COL19A1: variants seen among roughly 807,000 people sequenced by gnomAD.
COL19A1 encodes the protein collagen type XIX alpha 1 chain, also known as collagen alpha-1(XIX) chain.
In COL19A1, 159 loss-of-function variants were observed where a neutral mutation model predicts 190.2. The ratio of observed to expected loss-of-function variants is 0.84; its 90% CI spans 0.73 to 0.95. COL19A1 has a LOEUF of 0.95. COL19A1 is among the 40% of genes least tolerant of loss of function. The pLI is 0.00. For synonymous variants in COL19A1, 509 were observed against 458.9 expected, an observed-to-expected ratio of 1.11 and a Z score of -1.39; for missense variants, 1,418 against 1,431.9, an observed-to-expected ratio of 0.99 and a Z score of 0.16.
intron 11 of COL19A1, among the ~76,000 whole-genome samples, chr6:70,002,176 T>G (rs941160071): frequency 6.6e-6 from 1 of 152,234 alleles, no homozygotes; most frequent in Non-Finnish European, 1.5e-5. Context: ...TTTATTGATT[T>G]GCACATGTTG....
At chr6:70,135,080 T>TAA (rs1222575899) in intron 18 of COL19A1, among the ~76,000 whole-genome samples, 1 of 152,174 alleles carries the variant, frequency 6.6e-6, no homozygotes, top group African/African-American at 2.4e-5. Flanking sequence ...GATATTTACT[T>TAA]ACGCTCACCA....
At position 69,940,945 on chromosome 6, in the gene COL19A1, C is replaced by A. The variant is rs562226884; in HGVS notation, c.936+2845C>A. ...TTTAATGTGCAATAAATAAAGAAGG[C>A]TTTCCTTCATTTTTGATTCTGGCAT... On this transcript the variant is annotated intron_variant, in intron 9 of 50. Transcript: ENST00000620364. Among the ~76,000 whole-genome samples, 7 of 152,132 alleles carry A rather than the reference C, an allele frequency of 4.6e-5. No homozygotes were observed. The East Asian group carries it at 1.3e-3, about 29-fold the overall frequency.
intron 16 of COL19A1, among the ~76,000 whole-genome samples, chr6:70,109,956 C>T (rs1461298751): frequency 3.3e-5 from 5 of 152,264 alleles, no homozygotes; most frequent in East Asian, 1.9e-4. Context: ...AAGTGCCTTC[C>T]GGCACTTGTG....
intron 11 of COL19A1, among the ~76,000 whole-genome samples, chr6:69,984,596 A>T (rs776598176): frequency 3.9e-5 from 6 of 152,130 alleles, no homozygotes; most frequent in Non-Finnish European, 7.4e-5. Context: ...TTGTAGCTAA[A>T]TGAAACCTAT....
In COL19A1 at chr6:70,031,919, T is replaced by A. The variant is rs146576086; in HGVS notation, c.1081-2326T>A. Among the ~76,000 whole-genome samples the A allele has an allele frequency of 2.8e-3, 422 of 152,164 alleles. 2 individuals carry two copies. Among genetic ancestry groups the A allele is most frequent in the African/African-American group, 8.0e-3 (334 of 41,530 alleles). On this transcript the variant is annotated intron_variant, in intron 12 of 50. Coordinates refer to ENST00000620364, the MANE Select transcript of COL19A1 (RefSeq NM_001858.6). ...TTGAGGACGGGAACCTTCACCTAGT[T>A]AAAGAAAAAAATCGTTGACACTTGT... is the stretch of plus-strand genomic sequence containing the variant.
chr6:70,189,149 T>A (rs1452958271), intron 47 of COL19A1, among the ~76,000 whole-genome samples: 1 of 152,222 alleles, frequency 6.6e-6, no homozygotes, highest in African/African-American at 2.4e-5. Context: ...TTTTTTATTT[T>A]TATTTTTTGT....
rs375838128 is a variant in COL19A1 at position 69,889,331 on chromosome 6, A to C, written c.92-9617A>C. On this transcript the variant is annotated intron_variant, in intron 2 of 50. Transcript: ENST00000620364. ...GAAGAAATAGGAAAACCAAAGCAGGAAAAATGGACAAGTGATATGTTACAA... is the reference window on the plus strand; with the variant it reads ...GAAGAAATAGGAAAACCAAAGCAGGCAAAATGGACAAGTGATATGTTACAA... Among the ~76,000 whole-genome samples the C allele has an allele frequency of 5.3e-4, 80 of 152,326 alleles. 4 individuals carry two copies. The highest frequency in any genetic ancestry group is 1.8e-3 in the African/African-American group (76 of 41,570).
intron 7 of COL19A1, among the ~76,000 whole-genome samples, chr6:69,933,779 T>A (rs1041359201): frequency 3.3e-5 from 5 of 152,070 alleles, no homozygotes; most frequent in Non-Finnish European, 7.4e-5. Context: ...AGGGAAGTTT[T>A]ACCTTGATAA....
At chr6:70,038,233 T>C (rs74445182) in intron 14 of COL19A1, among the ~76,000 whole-genome samples, 1,854 of 152,346 alleles carry the variant, frequency 0.012, 27 homozygotes, top group African/African-American at 0.043. Flanking sequence ...TTCTCAAAAC[T>C]AGCTCCACGC....
intron 1 of COL19A1, 42 bp from the exon 2 acceptor site, chr6:69,879,494 C>A: frequency 8.9e-7 from 1 of 1,129,196 alleles, no homozygotes; most frequent in Non-Finnish European, 1.3e-6. Flanking sequence ...AAAGGAGCTG[C>A]ATACAATAAA....
chr6:70,070,228 T>C (rs773348373), intron 15 of COL19A1, among the ~76,000 whole-genome samples: 14 of 152,104 alleles, frequency 9.2e-5, no homozygotes, highest in Non-Finnish European at 1.5e-4. Flanking sequence ...TTGTACCCTA[T>C]CAAAGCTTGC....
intron 11 of COL19A1, among the ~76,000 whole-genome samples, chr6:70,005,644 C>A (rs7771757): frequency 6.6e-6 from 1 of 152,036 alleles, no homozygotes; most frequent in South Asian, 2.1e-4. Context: ...TGGGTGGCAT[C>A]GGGAACAGGA....
At chr6:70,099,056 TAAAAAAAAAAAAA>T (rs5877239) in intron 15 of COL19A1, among the ~76,000 whole-genome samples, 3 of 75,888 alleles carry the variant, frequency 4.0e-5, no homozygotes, top group African/African-American at 1.6e-4. Flanking sequence ...ACCCTGTCTC[TAAAAAAAAAAAAA>T]AAAAAAAAAA....
At chr6:69,977,952 A>T (rs1040942743) in intron 11 of COL19A1, among the ~76,000 whole-genome samples, 10 of 152,146 alleles carry the variant, frequency 6.6e-5, no homozygotes, top group East Asian at 1.9e-4. Context: ...GAAAAAAAAA[A>T]TTTTACTGAT....
intron 4 of COL19A1, among the ~76,000 whole-genome samples, chr6:69,921,125 T>C (rs2149999145): frequency 8.4e-6 from 1 of 118,376 alleles, no homozygotes; most frequent in East Asian, 2.3e-4. Flanking sequence ...ATATATCACA[T>C]ATGTATCACA....
At chr6:70,177,771 T>A (rs1244160377) in intron 42 of COL19A1, among the ~76,000 whole-genome samples, 1 of 152,242 alleles carries the variant, frequency 6.6e-6, no homozygotes, top group Non-Finnish European at 1.5e-5. Flanking sequence ...GTTCCTCTTA[T>A]ACTCACATCC....
intron 2 of COL19A1, among the ~76,000 whole-genome samples, chr6:69,892,569 G>A (rs1184019841): frequency 6.6e-6 from 1 of 152,132 alleles, no homozygotes; most frequent in East Asian, 1.9e-4. Flanking sequence ...GGCTTTGATG[G>A]AACTCTGTTC....
chr6:69,879,873 T>C, intron 2 of COL19A1: 1 of 537,716 alleles, frequency 1.9e-6, no homozygotes, highest in South Asian at 3.1e-5. Flanking sequence ...TATTAGTCTA[T>C]GTTTCCTTTC....
chr6:70,000,664 T>G (rs147739941), intron 11 of COL19A1, among the ~76,000 whole-genome samples: 6,068 of 152,338 alleles, frequency 0.04, 406 homozygotes, highest in African/African-American at 0.13. Context: ...CATAAACGTC[T>G]TCTTTTGAGA....
Sources: allele counts gnomAD v4.1 joint callset (sites outside exome capture counted in the v4.1 genomes callset), GRCh38; gene constraint gnomAD v4.1.1; transcripts MANE v1.5; gene names NCBI Gene and HGNC (gene_info 2026-07-23, HGNC 2026-07-21).